Variants in IL1RAPL1 observed in about 807,000 individuals in gnomAD.
IL1RAPL1 encodes interleukin 1 receptor accessory protein like 1.
A neutral mutation model predicts 48.4 loss-of-function variants in IL1RAPL1; 3 were observed. The observed-to-expected ratio is 0.06, with a 90% CI of 0.03 to 0.16. The LOEUF is 0.16. Ranked by LOEUF, IL1RAPL1 falls within the 10% of genes least tolerant of loss-of-function variation. The probability of loss-of-function intolerance (pLI) is 1.00; values close to 1 mark genes in which losing one functional copy is unlikely to be tolerated. For missense variants in IL1RAPL1, 349 were observed against 530.6 expected (o/e 0.66, Z 3.36); for synonymous variants, 185 against 187.7 (o/e 0.99, Z 0.12).
At chrX:29,028,874 G>C (rs1274444845) in intron 2 of IL1RAPL1, among the ~76,000 whole-genome samples, 2 of 110,917 alleles carry the variant, frequency 1.8e-5, no homozygotes, top group East Asian at 5.7e-4. Context: ...TGCAGTCCAT[G>C]AGTACTGGCC....
intron 2 of IL1RAPL1, among the ~76,000 whole-genome samples, chrX:29,051,473 G>A (rs764021194): frequency 8.9e-6 from 1 of 112,103 alleles, no homozygotes; most frequent in African/African-American, 3.2e-5. Context: ...CGGAAAGTGA[G>A]CATTTTCTCT....
rs750887009 is a variant in IL1RAPL1 at position 28,625,770 on chromosome X, T to G, written c.-25+37723T>G. On this transcript the variant is annotated intron_variant, in intron 1 of 10. Coordinates refer to ENST00000378993, the MANE Select transcript of IL1RAPL1 (RefSeq NM_014271.4). ...TGTGTGTGTGTGTGTGTGTGTGTGTTTTACCAAGAATCTATATAGGTGCTT... is the reference window on the plus strand; with the variant it reads ...TGTGTGTGTGTGTGTGTGTGTGTGTGTTACCAAGAATCTATATAGGTGCTT... Among the ~76,000 whole-genome samples, 63 of 95,267 alleles carry G rather than the reference T, an allele frequency of 6.6e-4. 1 individual carries two copies. The South Asian group carries it at 0.027, about 40-fold the overall frequency. The allele number at this position is 95,267 out of a possible 115,157, so 82.7% of individuals were successfully genotyped here.
intron 2 of IL1RAPL1, among the ~76,000 whole-genome samples, chrX:29,029,756 T>C (rs965310045): frequency 8.9e-6 from 1 of 112,062 alleles, no homozygotes; most frequent in Non-Finnish European, 1.9e-5. Flanking sequence ...AAGTCCATCT[T>C]ATCAATTCTT....
intron 5 of IL1RAPL1, among the ~76,000 whole-genome samples, chrX:29,459,412 A>G (rs937112568): frequency 9.0e-6 from 1 of 111,593 alleles, no homozygotes; most frequent in South Asian, 3.7e-4. Flanking sequence ...TAGACCATTA[A>G]ATAGTTTATA....
intron 2 of IL1RAPL1, among the ~76,000 whole-genome samples, chrX:29,123,600 AT>A (rs1357797612): frequency 8.9e-6 from 1 of 111,884 alleles, no homozygotes; most frequent in Non-Finnish European, 1.9e-5. Context: ...TTATAGCATG[AT>A]TTTTTTCCTT....
At chrX:29,357,937 A>G (rs182956794) in intron 3 of IL1RAPL1, among the ~76,000 whole-genome samples, 2 of 111,769 alleles carry the variant, frequency 1.8e-5, no homozygotes, top group Non-Finnish European at 3.8e-5. Context: ...ATCTAGTGAT[A>G]ATAGACCGTG....
chrX:29,687,341 C>A (rs184529909), intron 6 of IL1RAPL1, among the ~76,000 whole-genome samples: 1 of 112,195 alleles, frequency 8.9e-6, no homozygotes, highest in South Asian at 3.7e-4. Context: ...GAAATTCTGT[C>A]ATTTGCAGCA....
intron 2 of IL1RAPL1, among the ~76,000 whole-genome samples, chrX:28,965,218 G>A (rs1924889647): frequency 9.0e-6 from 1 of 111,439 alleles, no homozygotes; most frequent in South Asian, 3.7e-4. Flanking sequence ...TAATAGAATT[G>A]AACCTTAATA....
chrX:28,596,060 G>T (rs1209312441), intron 1 of IL1RAPL1, among the ~76,000 whole-genome samples: 1 of 111,263 alleles, frequency 9.0e-6, no homozygotes, highest in Non-Finnish European at 1.9e-5. Context: ...GGAGGCAAGT[G>T]CCTGCTGGTC....
chrX:29,365,349 G>A (rs1019821749), intron 3 of IL1RAPL1, among the ~76,000 whole-genome samples: 28 of 112,273 alleles, frequency 2.5e-4, no homozygotes, highest in African/African-American at 8.4e-4. Context: ...GATCAAGAAA[G>A]ATTTCCTATA....
At chrX:28,621,945 A>T (rs1429820425) in intron 1 of IL1RAPL1, among the ~76,000 whole-genome samples, 1 of 111,032 alleles carries the variant, frequency 9.0e-6, no homozygotes, top group African/African-American at 3.3e-5. Flanking sequence ...TATTATTGGA[A>T]TTAGGAAGGA....
At chrX:28,623,604 A>G (rs1934307599) in intron 1 of IL1RAPL1, among the ~76,000 whole-genome samples, 1 of 111,918 alleles carries the variant, frequency 8.9e-6, no homozygotes, top group East Asian at 2.8e-4. Context: ...GAATGGAAGA[A>G]AAACAGAACA....
At chrX:29,730,594 A>G (rs1927891417) in intron 6 of IL1RAPL1, among the ~76,000 whole-genome samples, 1 of 111,539 alleles carries the variant, frequency 9.0e-6, no homozygotes, top group Admixed American at 9.6e-5. Context: ...CTCTTGTTTC[A>G]GTGATGATGC....
At chrX:29,922,829 C>T (rs1477384661) in intron 8 of IL1RAPL1, among the ~76,000 whole-genome samples, 1 of 112,018 alleles carries the variant, frequency 8.9e-6, no homozygotes, top group Non-Finnish European at 1.9e-5. Context: ...GAAGCTTTCA[C>T]TATTAATTGT....
intron 2 of IL1RAPL1, among the ~76,000 whole-genome samples, chrX:28,805,311 T>C (rs1292497469): frequency 1.8e-5 from 2 of 111,798 alleles, no homozygotes; most frequent in Non-Finnish European, 3.8e-5. Context: ...TGTTGAGAAC[T>C]AGTAGCTAAT....
chrX:29,801,984 G>C (rs1168255311), intron 6 of IL1RAPL1, among the ~76,000 whole-genome samples: 1 of 112,369 alleles, frequency 8.9e-6, no homozygotes, highest in African/African-American at 3.2e-5. Flanking sequence ...ATAATGAATT[G>C]AATGGTTTTT....
chrX:29,866,076 T>C (rs762359059), intron 6 of IL1RAPL1, among the ~76,000 whole-genome samples: 20 of 111,836 alleles, frequency 1.8e-4, no homozygotes, highest in Non-Finnish European at 2.6e-4. Context: ...TAGAGCACTC[T>C]GCTTTGGGAT....
intron 6 of IL1RAPL1, among the ~76,000 whole-genome samples, chrX:29,734,805 A>G (rs888871941): frequency 9.0e-6 from 1 of 111,269 alleles, no homozygotes; most frequent in African/African-American, 3.3e-5. Flanking sequence ...AGAGATTACA[A>G]TTTGTGAAGG....
In IL1RAPL1 at chrX:29,222,326, A is replaced by T. The variant is rs1473016445; in HGVS notation, c.83-60612A>T. ...AACTTCTATAAATATTGGCAATTTC[A>T]TTGATAAAATTTTGATACTTTTCCA... On this transcript the variant is annotated intron_variant, in intron 2 of 10. Coordinates refer to ENST00000378993, the MANE Select transcript of IL1RAPL1 (RefSeq NM_014271.4). 2.7e-5 allele frequency among the ~76,000 whole-genome samples: 3 copies of T among 111,923 alleles called. No homozygotes were observed. The Admixed American group carries it at 2.8e-4, about 11-fold the overall frequency.
Sources: allele counts gnomAD v4.1 joint callset (sites outside exome capture counted in the v4.1 genomes callset), GRCh38; gene constraint gnomAD v4.1.1; transcripts MANE v1.5; gene names NCBI Gene and HGNC (gene_info 2026-07-23, HGNC 2026-07-21).